ZDHHC7: variants seen among roughly 807,000 people sequenced by gnomAD.
ZDHHC7 encodes the protein zDHHC palmitoyltransferase 7, also known as palmitoyltransferase ZDHHC7.
In ZDHHC7, 12 loss-of-function variants were observed where a neutral mutation model predicts 34.1. That is an observed-to-expected ratio of 0.35 (90% CI 0.23 to 0.57). The LOEUF (loss-of-function observed/expected upper bound fraction) is 0.57, where lower values mean the gene tolerates loss of function less well. Ranked by LOEUF, ZDHHC7 falls within the 20% of genes least tolerant of loss-of-function variation. ZDHHC7 has a pLI of 0.84. For missense variants in ZDHHC7, 388 were observed against 402.7 expected, an observed-to-expected ratio of 0.96 and a Z score of 0.31; for synonymous variants, 185 against 155.4, an observed-to-expected ratio of 1.19 and a Z score of -1.42.
At chr16:84,995,283 G>A (rs570080835) in intron 2 of ZDHHC7, among the ~76,000 whole-genome samples, 1 of 152,124 alleles carries the variant, frequency 6.6e-6, no homozygotes, top group Non-Finnish European at 1.5e-5. Context: ...AACACCAAAA[G>A]CAACACTACA....
At chr16:85,001,549 G>A (rs1191816756) in intron 1 of ZDHHC7, among the ~76,000 whole-genome samples, 1 of 151,864 alleles carries the variant, frequency 6.6e-6, no homozygotes, top group Non-Finnish European at 1.5e-5. Flanking sequence ...AGGTAAGCAA[G>A]AGGAGGAAGC....
intron 7 of ZDHHC7, among the ~76,000 whole-genome samples, 178 bp from the exon 8 acceptor site, chr16:84,976,697 G>A (rs140727398): frequency 3.7e-3 from 567 of 152,332 alleles, no homozygotes; most frequent in Non-Finnish European, 6.5e-3. Context: ...GCCCAGCCCG[G>A]CTGCAGCCAC....
At chr16:85,022,374 A>T in the ZDHHC7 span, among the ~76,000 whole-genome samples, 2 of 151,922 alleles carry the variant, frequency 1.3e-5, no homozygotes, top group African/African-American at 4.8e-5. Context: ...TACAAAAAAA[A>T]TTAGCCAGGC....
At chr16:84,978,064 G>GGGAGACTCTGTT in intron 5 of ZDHHC7, 59 bp from the exon 6 acceptor site, 15 of 1,386,440 alleles carry the variant, frequency 1.1e-5, no homozygotes, top group Non-Finnish European at 1.4e-5. Flanking sequence ...TAGAAACAGA[G>GGGAGACTCTGTT]TCTCCCTCTG....
At chr16:84,994,187 C>T (rs570822901) in intron 2 of ZDHHC7, among the ~76,000 whole-genome samples, 2 of 152,350 alleles carry the variant, frequency 1.3e-5, no homozygotes, top group East Asian at 1.9e-4. Flanking sequence ...CCTGCCCTGT[C>T]CCCCTCATGC....
At chr16:85,017,555 A>C in the ZDHHC7 span, among the ~76,000 whole-genome samples, 1 of 152,196 alleles carries the variant, frequency 6.6e-6, no homozygotes, top group Non-Finnish European at 1.5e-5. Context: ...AACAACCTAA[A>C]TGTCCATGAA....
chr16:84,990,700 T>C (rs2072498814), intron 2 of ZDHHC7, 65 bp from the exon 3 acceptor site: 1 of 1,372,846 alleles, frequency 7.3e-7, no homozygotes, highest in South Asian at 1.3e-5. Flanking sequence ...TTAAATATGA[T>C]GTGTTACAGT....
chr16:84,995,508 C>T (rs1308520581), intron 2 of ZDHHC7, among the ~76,000 whole-genome samples: 1 of 152,158 alleles, frequency 6.6e-6, no homozygotes, highest in East Asian at 1.9e-4. Context: ...TGCCTGTAAT[C>T]CCAGCTACTA....
At chr16:85,015,534 G>A (rs1256060692), upstream of ZDHHC7, among the ~76,000 whole-genome samples, 2 of 152,104 alleles carry the variant, frequency 1.3e-5, no homozygotes, top group African/African-American at 4.8e-5. Flanking sequence ...AGCTTTGCAG[G>A]GCCATTTCCA....
At position 84,977,047 on chromosome 16, in the gene ZDHHC7, C is replaced by G. The variant is rs772043158; in HGVS notation, c.750+48G>C. 70 of 1,605,952 alleles carry G rather than the reference C, an allele frequency of 4.4e-5. No homozygotes were observed. The South Asian group carries it at 7.4e-4, about 17-fold the overall frequency. ...TTGACATTAGGACTTTTCATTTACT[C>G]AAGCTTGGACCACATATGAAGTCCA... On this transcript the variant is annotated intron_variant, in intron 7 of 7. Coordinates refer to ENST00000313732, the MANE Select transcript of ZDHHC7 (RefSeq NM_017740.3).
chr16:85,017,624 C>T, the ZDHHC7 span, among the ~76,000 whole-genome samples: 2 of 152,320 alleles, frequency 1.3e-5, no homozygotes, highest in South Asian at 2.1e-4. Flanking sequence ...AACGACAATA[C>T]ACATACATGC....
At chr16:84,999,871 G>A (rs2072631112) in intron 1 of ZDHHC7, among the ~76,000 whole-genome samples, 1 of 152,288 alleles carries the variant, frequency 6.6e-6, no homozygotes, top group South Asian at 2.1e-4. Context: ...GTGGGGCCGG[G>A]CACAGTGGCT....
rs924554308 is a variant in ZDHHC7, at chr16:85,007,156, G to A, written c.-104+4130C>T. ...AATGGAATGGAGGCTGGGCAAGGTG[G>A]CTCATGCCTGTAATCCCAGCACTTT... On this transcript the variant is annotated intron_variant, in intron 1 of 7. Transcript: ENST00000313732. Among the ~76,000 whole-genome samples the A allele has an allele frequency of 4.0e-5, 6 of 151,858 alleles. No homozygotes were observed. The East Asian group carries it at 9.7e-4, about 25-fold the overall frequency.
intron 1 of ZDHHC7, among the ~76,000 whole-genome samples, chr16:85,001,140 T>A (rs2072647099): frequency 6.6e-6 from 1 of 152,082 alleles, no homozygotes; most frequent in African/African-American, 2.4e-5. Context: ...TCTGCTGGAA[T>A]GGGAGGCACC....
chr16:85,016,986 G>A, the ZDHHC7 span, among the ~76,000 whole-genome samples: 1 of 151,294 alleles, frequency 6.6e-6, no homozygotes, highest in African/African-American at 2.4e-5. Context: ...TTATTGCCCA[G>A]GCTGGAGTGG....
At chr16:84,980,348 A>G (rs1041797844) in intron 4 of ZDHHC7, among the ~76,000 whole-genome samples, 8 of 152,016 alleles carry the variant, frequency 5.3e-5, no homozygotes, top group Admixed American at 1.3e-4. Context: ...TTCCCATTTT[A>G]TCTTCAACAG....
chr16:84,999,597 A>G (rs1278392782), intron 1 of ZDHHC7, among the ~76,000 whole-genome samples: 1 of 152,214 alleles, frequency 6.6e-6, no homozygotes, highest in African/African-American at 2.4e-5. Flanking sequence ...TGCTAAGTGA[A>G]AGAAGCCAGA....
In ZDHHC7 at chr16:84,976,556, A is replaced by C. The variant is rs1555513141; in HGVS notation, c.751-37T>G. 1.9e-5 allele frequency: 30 copies of C among 1,603,168 alleles called. No homozygotes were observed. In the South Asian group the frequency reaches 2.2e-4, roughly 12 times the overall value. ...AAGAAAAGCAAGTGGCAGCGGCTCC[A>C]GGAAGCTCGGCAGACCCCACCAAGC... is the stretch of plus-strand genomic sequence containing the variant. On this transcript the variant is annotated intron_variant, in intron 7 of 7. Transcript: ENST00000313732.
chr16:85,015,621 CAGG>C (rs568088603), upstream of ZDHHC7, among the ~76,000 whole-genome samples: 81 of 152,160 alleles, frequency 5.3e-4, no homozygotes, highest in African/African-American at 1.9e-3. Flanking sequence ...GGGGCCAAGG[CAGG>C]AGGATAGCTT....
Sources: allele counts gnomAD v4.1 joint callset (sites outside exome capture counted in the v4.1 genomes callset), GRCh38; gene constraint gnomAD v4.1.1; transcripts MANE v1.5; gene names NCBI Gene and HGNC (gene_info 2026-07-23, HGNC 2026-07-21).